The following CCSER1 variants were observed in gnomAD, a reference collection of about 807,000 sequenced individuals.
CCSER1 encodes coiled-coil serine rich protein 1.
Under a neutral mutation model 82.0 loss-of-function variants are expected in CCSER1, and 41 were observed. The observed-to-expected ratio is 0.50, with a 90% CI of 0.39 to 0.65. The LOEUF (loss-of-function observed/expected upper bound fraction) is 0.65, where lower values mean the gene tolerates loss of function less well. CCSER1 is among the 30% of genes least tolerant of loss of function. The pLI is 0.00. For missense variants in CCSER1, 1,119 were observed against 1,064.2 expected (o/e 1.05, Z -0.72); for synonymous variants, 414 against 383.9 (o/e 1.08, Z -0.92).
At chr4:90,934,020 A>G (rs2150306988) in intron 9 of CCSER1, among the ~76,000 whole-genome samples, 1 of 151,930 alleles carries the variant, frequency 6.6e-6, no homozygotes, top group South Asian at 2.1e-4. Flanking sequence ...ACACCTAGCA[A>G]TGGTATCTCT....
At chr4:90,399,904 G>T in intron 3 of CCSER1, 132 bp from the exon 4 acceptor site, 4 of 506,120 alleles carry the variant, frequency 7.9e-6, no homozygotes, top group Non-Finnish European at 1.1e-5. Flanking sequence ...GGTGTCAAAT[G>T]ATTTCTGAGA....
chr4:91,134,301 G>A (rs528830075), intron 10 of CCSER1, among the ~76,000 whole-genome samples: 1 of 151,990 alleles, frequency 6.6e-6, no homozygotes, highest in Non-Finnish European at 1.5e-5. Context: ...GGAGGCTGAG[G>A]TGAAAGGATC....
chr4:90,761,515 G>C (rs186914274), intron 7 of CCSER1, among the ~76,000 whole-genome samples: 92 of 152,254 alleles, frequency 6.0e-4, no homozygotes, highest in Admixed American at 1.4e-3. Context: ...TGGCCTCCGA[G>C]TTATAGGATG....
chr4:91,062,911 T>C (rs931093195), intron 9 of CCSER1, among the ~76,000 whole-genome samples: 8 of 152,144 alleles, frequency 5.3e-5, no homozygotes, highest in African/African-American at 9.7e-5. Context: ...CATATACTAA[T>C]GTATGTAGAC....
At chr4:91,444,646 C>T (rs1199942028) in intron 10 of CCSER1, among the ~76,000 whole-genome samples, 1 of 152,104 alleles carries the variant, frequency 6.6e-6, no homozygotes, top group Admixed American at 6.6e-5. Flanking sequence ...GATGAAGTTT[C>T]ACCATGTTGG....
At chr4:90,854,988 A>AGTGTGTGT (rs137938428) in intron 8 of CCSER1, among the ~76,000 whole-genome samples, 2 of 151,074 alleles carry the variant, frequency 1.3e-5, no homozygotes, top group Admixed American at 6.6e-5. Flanking sequence ...GGCACGAGAG[A>AGTGTGTGT]GTGTGTGTGT....
intron 7 of CCSER1, among the ~76,000 whole-genome samples, chr4:90,753,398 T>A (rs146915460): frequency 6.6e-6 from 1 of 152,220 alleles, no homozygotes; most frequent in Non-Finnish European, 1.5e-5. Flanking sequence ...AGAGGCAATT[T>A]TGGGGTGACA....
At chr4:90,630,007 T>C (rs1238188149) in intron 6 of CCSER1, among the ~76,000 whole-genome samples, 1 of 152,220 alleles carries the variant, frequency 6.6e-6, no homozygotes, top group African/African-American at 2.4e-5. Context: ...GTCATTTTGG[T>C]AGCTTGAAAT....
At chr4:90,453,330 G>T (rs1467815853) in intron 4 of CCSER1, among the ~76,000 whole-genome samples, 1 of 152,180 alleles carries the variant, frequency 6.6e-6, no homozygotes, top group Non-Finnish European at 1.5e-5. Context: ...CATTAATGAG[G>T]CAGAGGTCCT....
chr4:90,743,203 A>T (rs1285461482), intron 7 of CCSER1, among the ~76,000 whole-genome samples: 1 of 152,216 alleles, frequency 6.6e-6, no homozygotes, highest in Non-Finnish European at 1.5e-5. Context: ...GAAAGGTACA[A>T]TGTGTTTTAG....
chr4:90,624,993 C>G (rs2148897694), intron 5 of CCSER1, among the ~76,000 whole-genome samples: 1 of 152,266 alleles, frequency 6.6e-6, no homozygotes, highest in South Asian at 2.1e-4. Flanking sequence ...GCTTCAGTAT[C>G]ATACTCTTTC....
At chr4:90,370,321 G>A (rs886822802) in intron 3 of CCSER1, 1 of 151,982 alleles carries the variant, frequency 6.6e-6, no homozygotes, top group African/African-American at 2.4e-5. Context: ...GGAAAAAGAA[G>A]GTAGCTTTCT....
At chr4:90,783,524 T>G (rs1353862047) in intron 7 of CCSER1, among the ~76,000 whole-genome samples, 2 of 152,156 alleles carry the variant, frequency 1.3e-5, no homozygotes, top group African/African-American at 4.8e-5. Context: ...TTGATGACTC[T>G]CACCTCTAGG....
intron 10 of CCSER1, among the ~76,000 whole-genome samples, chr4:91,315,867 A>G (rs1745794793): frequency 6.6e-6 from 1 of 151,958 alleles, no homozygotes; most frequent in African/African-American, 2.4e-5. Context: ...TCTCTGTGAA[A>G]TTAGTATCAT....
At chr4:90,640,362 G>A (rs1392379793) in intron 6 of CCSER1, among the ~76,000 whole-genome samples, 1 of 152,116 alleles carries the variant, frequency 6.6e-6, no homozygotes, top group East Asian at 1.9e-4. Context: ...TTTAAAGTAA[G>A]ACATGTCTTA....
intron 10 of CCSER1, among the ~76,000 whole-genome samples, chr4:91,119,131 G>A (rs1351252042): frequency 6.6e-6 from 1 of 152,144 alleles, no homozygotes; most frequent in East Asian, 1.9e-4. Context: ...CATTTGCCCT[G>A]TATTCAGAGA....
chr4:91,569,684 A>G (rs896964743), intron 10 of CCSER1, among the ~76,000 whole-genome samples: 2 of 152,118 alleles, frequency 1.3e-5, no homozygotes, highest in Non-Finnish European at 2.9e-5. Flanking sequence ...TAACTGCCAT[A>G]TCATTCAATT....
intron 9 of CCSER1, among the ~76,000 whole-genome samples, chr4:91,046,842 C>T (rs978650453): frequency 2.6e-5 from 4 of 151,920 alleles, no homozygotes; most frequent in Admixed American, 1.3e-4. Context: ...CTCAGCCTCC[C>T]GAGTAGCTGG....
intron 10 of CCSER1, among the ~76,000 whole-genome samples, chr4:91,160,412 G>A (rs1326073420): frequency 6.6e-6 from 1 of 152,132 alleles, no homozygotes; most frequent in Non-Finnish European, 1.5e-5. Context: ...TATATACCAG[G>A]CAATGACATG....
Sources: allele counts gnomAD v4.1 joint callset (sites outside exome capture counted in the v4.1 genomes callset), GRCh38; gene constraint gnomAD v4.1.1; transcripts MANE v1.5; gene names NCBI Gene and HGNC (gene_info 2026-07-23, HGNC 2026-07-21).